The following NUP214 variants were observed in gnomAD, a reference collection of about 807,000 sequenced individuals.
NUP214 encodes the protein nuclear pore complex protein Nup214.
NUP214 carries 79 observed loss-of-function variants against 196.2 expected under a neutral mutation model. The ratio of observed to expected loss-of-function variants is 0.40; its 90% CI spans 0.34 to 0.49. The LOEUF (loss-of-function observed/expected upper bound fraction) is 0.49, where lower values mean the gene tolerates loss of function less well. Ranked by LOEUF, NUP214 falls within the 20% of genes least tolerant of loss-of-function variation. The pLI is 0.58. For missense variants in NUP214, 2,468 were observed against 2,539.0 expected (o/e 0.97, Z 0.60); for synonymous variants, 1,020 against 990.5 (o/e 1.03, Z -0.56).
At chr9:131,218,684 A>G (rs1834472721) in intron 31 of NUP214, among the ~76,000 whole-genome samples, 1 of 151,728 alleles carries the variant, frequency 6.6e-6, no homozygotes, top group Admixed American at 6.6e-5. Context: ...CTGAAAATCC[A>G]TGCCAAACCC....
At chr9:131,145,603 T>C (rs1293525188) in intron 12 of NUP214, among the ~76,000 whole-genome samples, 1 of 152,354 alleles carries the variant, frequency 6.6e-6, no homozygotes, top group South Asian at 2.1e-4. Flanking sequence ...CATCTAATGC[T>C]GGAGTTTAGA....
intron 24 of NUP214, among the ~76,000 whole-genome samples, chr9:131,182,585 A>G (rs1833313967): frequency 6.6e-6 from 1 of 152,232 alleles, no homozygotes; most frequent in Admixed American, 6.5e-5. Flanking sequence ...CTTTCACAAA[A>G]CCAGTCCCTG....
At chr9:131,211,830 A>G (rs1412420019) in intron 30 of NUP214, among the ~76,000 whole-genome samples, 1 of 152,182 alleles carries the variant, frequency 6.6e-6, no homozygotes, top group Non-Finnish European at 1.5e-5. Context: ...TGATTGCATT[A>G]TCTGCACAAA....
intron 21 of NUP214, 21 bp from the exon 22 acceptor site, chr9:131,174,034 T>A: frequency 6.2e-7 from 1 of 1,609,296 alleles, no homozygotes; most frequent in Non-Finnish European, 8.5e-7. Context: ...CTAAATTGTG[T>A]TTTGTTTGGG....
rs1834959479 is a variant in NUP214, at chr9:131,234,441, G to C, written c.*954G>C. On this transcript the variant is annotated 3_prime_UTR_variant, in exon 36 of 36. Transcript: ENST00000359428. ...AGAGTGCTTCTTTATCTTTAATGCA[G>C]TATCTTTGAGGCCTGTAACATCCTA... 4.3e-6 allele frequency: 1 copy of C among 231,882 alleles called. No homozygotes were observed. Among genetic ancestry groups the C allele is most frequent in the African/African-American group, 2.2e-5 (1 of 45,222 alleles). The allele number at this position is 231,882 out of a possible 1,614,324, so 14.4% of individuals were successfully genotyped here. A position where few individuals can be genotyped will look rare whatever the true frequency, so the allele number is the denominator to read the frequency against.
intron 18 of NUP214, among the ~76,000 whole-genome samples, chr9:131,162,669 G>T (rs1832676416): frequency 6.6e-6 from 1 of 152,070 alleles, no homozygotes; most frequent in Non-Finnish European, 1.5e-5. Flanking sequence ...AAAGCTGACT[G>T]GCTTTTTCCT....
At chr9:131,157,605 C>T (rs1177234310) in intron 17 of NUP214, among the ~76,000 whole-genome samples, 1 of 151,724 alleles carries the variant, frequency 6.6e-6, no homozygotes, top group East Asian at 1.9e-4. Context: ...GCTGGAATTA[C>T]AGGCGTGCAC....
chr9:131,175,292 G>A (rs1833082484), intron 22 of NUP214, among the ~76,000 whole-genome samples, 168 bp from the exon 23 acceptor site: 1 of 152,314 alleles, frequency 6.6e-6, no homozygotes, highest in South Asian at 2.1e-4. Flanking sequence ...AATTTCATGC[G>A]ATAACTGAAA....
intron 30 of NUP214, among the ~76,000 whole-genome samples, chr9:131,213,814 G>A (rs1428786232): frequency 7.2e-6 from 1 of 139,544 alleles, no homozygotes; most frequent in East Asian, 2.1e-4. Context: ...GGAAAAAAAA[G>A]AGACTAGGAA....
At position 131,178,399 on chromosome 9, in the gene NUP214, T is replaced by G. The variant is rs1484719312; in HGVS notation, c.3408T>G (p.Ser1136=). The change falls in exon 24 of 36, where the codon TCT becomes TCG. Residue 1136 remains serine (S), a synonymous_variant. Transcript: ENST00000359428. ...QELKNNPATP[S]TAMGSSVPYS... is the part of the protein sequence containing the mutation. The stretch of plus-strand genomic sequence containing the variant: ...TGAAGAATAACCCTGCAACCCCTTC[T>G]ACAGCCATGGGGTATGTTCTGACTG... 6.2e-7 allele frequency: 1 copy of G among 1,610,626 alleles called. No individual in the cohort carries two copies. Among genetic ancestry groups the G allele is most frequent in the South Asian group, 1.1e-5 (1 of 90,910 alleles).
chr9:131,211,703 A>G (rs1450570743), intron 30 of NUP214, among the ~76,000 whole-genome samples: 3 of 152,210 alleles, frequency 2.0e-5, no homozygotes, highest in African/African-American at 7.2e-5. Flanking sequence ...AATGTCATGG[A>G]CGTTTATCAC....
chr9:131,175,364 T>C, intron 22 of NUP214, 96 bp from the exon 23 acceptor site: 9 of 1,397,122 alleles, frequency 6.4e-6, no homozygotes, highest in Non-Finnish European at 8.9e-6. Flanking sequence ...ATTTTAGCAT[T>C]TTCCCTGCAG....
chr9:131,224,387 A>C (rs1261882056), intron 32 of NUP214, among the ~76,000 whole-genome samples: 2 of 152,128 alleles, frequency 1.3e-5, no homozygotes, highest in Non-Finnish European at 2.9e-5. Context: ...GTGTGAAAAG[A>C]GTTTTTTTTA....
intron 18 of NUP214, among the ~76,000 whole-genome samples, chr9:131,162,281 T>C (rs1402357326): frequency 6.6e-6 from 1 of 152,232 alleles, no homozygotes; most frequent in African/African-American, 2.4e-5. Context: ...TGACATACCA[T>C]AGCAAAGAAA....
chr9:131,144,867 C>G, intron 12 of NUP214, 113 bp downstream of exon 12: 1 of 812,810 alleles, frequency 1.2e-6, no homozygotes, highest in Non-Finnish European at 1.9e-6. Flanking sequence ...TTTTTTTACC[C>G]AGAGTGATAC....
intron 31 of NUP214, among the ~76,000 whole-genome samples, chr9:131,219,693 T>C (rs995989212): frequency 1.4e-4 from 22 of 152,226 alleles, no homozygotes; most frequent in Admixed American, 4.6e-4. Flanking sequence ...CTGAGGACAC[T>C]GTGTAGGGCC....
chr9:131,180,755 A>G (rs1036841900), intron 24 of NUP214, among the ~76,000 whole-genome samples: 4 of 152,204 alleles, frequency 2.6e-5, no homozygotes, highest in African/African-American at 9.6e-5. Context: ...GAGATAGGGT[A>G]GTTGAATAAG....
At position 131,234,496 on chromosome 9, in the gene NUP214, G is replaced by A. The variant is rs1055854904; in HGVS notation, c.*1009G>A. ...GTTGCCATCAAACAAGGACCGTCTC[G>A]CATTGAAAACAGATGTAAGAATTTC... On this transcript the variant is annotated 3_prime_UTR_variant, in exon 36 of 36. Transcript: ENST00000359428. 22 of 231,616 alleles carry A rather than the reference G, an allele frequency of 9.5e-5. No individual in the cohort carries two copies. The highest frequency in any genetic ancestry group is 4.3e-4 in the East Asian group (7 of 16,376). 14.3% of individuals were successfully genotyped at this position (231,616 alleles called of 1,614,324 possible). A position where few individuals can be genotyped will look rare whatever the true frequency, so the allele number is the denominator to read the frequency against.
At chr9:131,207,757 C>T (rs761083865) in intron 30 of NUP214, among the ~76,000 whole-genome samples, 2 of 152,196 alleles carry the variant, frequency 1.3e-5, no homozygotes, top group Non-Finnish European at 2.9e-5. Flanking sequence ...GGCAGAAAGC[C>T]TTGTTGAACT....
Sources: allele counts gnomAD v4.1 joint callset (sites outside exome capture counted in the v4.1 genomes callset), GRCh38; gene constraint gnomAD v4.1.1; transcripts MANE v1.5; gene names NCBI Gene and HGNC (gene_info 2026-07-23, HGNC 2026-07-21).